PDE11A: variants seen among roughly 807,000 people sequenced by gnomAD.
PDE11A encodes the protein phosphodiesterase 11A.
In PDE11A, 100 loss-of-function variants were observed where a neutral mutation model predicts 100.5. The observed-to-expected ratio is 1.00, with a 90% CI of 0.85 to 1.18. PDE11A has a LOEUF of 1.18. PDE11A is among the 50% of genes most tolerant of loss of function. The probability of loss-of-function intolerance (pLI) is 0.00; values close to 1 mark genes in which losing one functional copy is unlikely to be tolerated. For missense variants in PDE11A, 1,141 were observed against 1,152.6 expected (o/e 0.99, Z 0.15); for synonymous variants, 381 against 420.8 (o/e 0.91, Z 1.16).
At chr2:177,668,457 G>A (rs1402856436) in intron 18 of PDE11A, among the ~76,000 whole-genome samples, 1 of 152,148 alleles carries the variant, frequency 6.6e-6, no homozygotes, top group East Asian at 1.9e-4. Flanking sequence ...GATGTTTTGA[G>A]AAACTAAGTC....
chr2:177,811,204 T>C (rs1574165815), intron 9 of PDE11A, among the ~76,000 whole-genome samples: 2 of 152,160 alleles, frequency 1.3e-5, no homozygotes, highest in Non-Finnish European at 2.9e-5. Flanking sequence ...TCCTTTTACC[T>C]AAGAATTTCT....
chr2:177,781,883 C>T (rs1030534750), intron 9 of PDE11A, among the ~76,000 whole-genome samples: 2 of 152,192 alleles, frequency 1.3e-5, no homozygotes, highest in African/African-American at 4.8e-5. Context: ...GAAGCCAACT[C>T]TCCAGTGGTT....
intron 1 of PDE11A, among the ~76,000 whole-genome samples, chr2:178,034,867 T>C (rs139298121): frequency 0.5 from 76,201 of 151,660 alleles, 19,873 homozygotes; most frequent in East Asian, 0.71. Context: ...TGGGACACAT[T>C]TAAAGCAGTG....
intron 4 of PDE11A, among the ~76,000 whole-genome samples, chr2:177,890,474 C>A (rs1267283507): frequency 6.6e-6 from 1 of 152,166 alleles, no homozygotes; most frequent in Non-Finnish European, 1.5e-5. Flanking sequence ...CCTCACTCAG[C>A]CTTTTATTAA....
intron 18 of PDE11A, among the ~76,000 whole-genome samples, chr2:177,666,034 T>C (rs183467138): frequency 7.2e-5 from 11 of 152,290 alleles, no homozygotes; most frequent in African/African-American, 2.6e-4. Context: ...AGAACATTAT[T>C]ATCATCCTCA....
intron 1 of PDE11A, among the ~76,000 whole-genome samples, chr2:178,054,307 G>T (rs537083554): frequency 3.9e-5 from 6 of 152,200 alleles, no homozygotes; most frequent in Non-Finnish European, 7.3e-5. Flanking sequence ...GTAGAAAGCT[G>T]AAATTGGATC....
intron 1 of PDE11A, chr2:178,018,575 T>C (rs2086369067): frequency 8.7e-6 from 3 of 344,004 alleles, no homozygotes; most frequent in African/African-American, 4.3e-5. Flanking sequence ...AAGTAACAGA[T>C]AAGTTCATTG....
At chr2:177,922,885 A>C (rs2085073582) in intron 2 of PDE11A, 18 of 918,502 alleles carry the variant, frequency 2.0e-5, no homozygotes, top group Non-Finnish European at 2.1e-5. Context: ...ACTAAGTTGT[A>C]TACCTCTGTC....
chr2:177,946,100 TGGG>T (rs1196277878), intron 2 of PDE11A, among the ~76,000 whole-genome samples: 1 of 43,082 alleles, frequency 2.3e-5, no homozygotes, highest in African/African-American at 1.1e-4. Flanking sequence ...GGGATGGAGG[TGGG>T]GGGGGGTCAG....
intron 1 of PDE11A, chr2:178,104,626 G>A (rs2087597958): frequency 3.1e-6 from 2 of 639,688 alleles, no homozygotes; most frequent in African/African-American, 3.7e-5. Flanking sequence ...AAGCTTTAAT[G>A]TATGAGTGCT....
intron 5 of PDE11A, among the ~76,000 whole-genome samples, chr2:177,864,502 GC>G (rs1273591165): frequency 2.6e-5 from 4 of 152,042 alleles, no homozygotes; most frequent in Admixed American, 6.6e-5. Context: ...AAAGAATTTA[GC>G]AAGTAGAAAA....
At chr2:177,666,709 G>A (rs906204346) in intron 18 of PDE11A, among the ~76,000 whole-genome samples, 9 of 142,300 alleles carry the variant, frequency 6.3e-5, no homozygotes, top group Admixed American at 1.5e-4. Flanking sequence ...TTGGAGATAT[G>A]TCTGTTCAGA....
chr2:177,674,237 G>A (rs2080732042), intron 17 of PDE11A, among the ~76,000 whole-genome samples: 1 of 152,146 alleles, frequency 6.6e-6, no homozygotes, highest in East Asian at 1.9e-4. Flanking sequence ...TTTGTGAAAT[G>A]GGGATAATAA....
chr2:177,683,080 G>T (rs919690902), intron 15 of PDE11A, among the ~76,000 whole-genome samples: 3 of 152,166 alleles, frequency 2.0e-5, no homozygotes, highest in Admixed American at 2.0e-4. Context: ...CTGGCCTGGG[G>T]TGCTTATCAC....
chr2:177,787,571 C>G (rs577159904), intron 9 of PDE11A, among the ~76,000 whole-genome samples: 1 of 151,668 alleles, frequency 6.6e-6, no homozygotes, highest in African/African-American at 2.4e-5. Flanking sequence ...ACTAAATGCT[C>G]CAATTAAAAG....
At chr2:177,845,234 T>C (rs1207035227) in intron 5 of PDE11A, among the ~76,000 whole-genome samples, 3 of 139,742 alleles carry the variant, frequency 2.1e-5, no homozygotes, top group Non-Finnish European at 3.1e-5. Context: ...ACTTCCCAGA[T>C]GGGGTGGCTG....
intron 2 of PDE11A, among the ~76,000 whole-genome samples, chr2:177,918,314 C>T (rs2084984594): frequency 6.6e-6 from 1 of 152,212 alleles, no homozygotes; most frequent in African/African-American, 2.4e-5. Flanking sequence ...CTACTTTCCA[C>T]CCATATTCAG....
chr2:177,721,587 C>T (rs2081525940), intron 12 of PDE11A, among the ~76,000 whole-genome samples: 1 of 152,060 alleles, frequency 6.6e-6, no homozygotes, highest in African/African-American at 2.4e-5. Context: ...TTCTTAAGGA[C>T]TTAGCTTTCA....
In PDE11A at chr2:177,623,721, A is replaced by G. The variant is rs762282884; in HGVS notation, c.*5686T>C. ...GCACAAATAATACATTTTTCACAGC[A>G]AATACTTCATTACTTAATAAAAAAA... On this transcript the variant is annotated 3_prime_UTR_variant, in exon 20 of 20. Coordinates refer to ENST00000286063, the MANE Select transcript of PDE11A (RefSeq NM_016953.4). The G allele has an allele frequency of 6.6e-6, 1 of 152,084 alleles. No homozygotes were observed. Among genetic ancestry groups the G allele is most frequent in the African/African-American group, 2.4e-5 (1 of 41,394 alleles). 9.4% of individuals were successfully genotyped at this position (152,084 alleles called of 1,614,324 possible). A position where few individuals can be genotyped will look rare whatever the true frequency, so the allele number is the denominator to read the frequency against.
Sources: allele counts gnomAD v4.1 joint callset (sites outside exome capture counted in the v4.1 genomes callset), GRCh38; gene constraint gnomAD v4.1.1; transcripts MANE v1.5; gene names NCBI Gene and HGNC (gene_info 2026-07-23, HGNC 2026-07-21).